Variants in TEAD1 observed in about 807,000 individuals in gnomAD.
TEAD1 encodes the protein transcriptional enhancer factor TEF-1.
A neutral mutation model predicts 54.9 loss-of-function variants in TEAD1; 9 were observed. The observed-to-expected ratio is 0.16, with a 90% CI of 0.10 to 0.29. The LOEUF (loss-of-function observed/expected upper bound fraction) is 0.29, where lower values mean the gene tolerates loss of function less well. Ranked by LOEUF, TEAD1 falls within the 10% of genes least tolerant of loss-of-function variation. The pLI is 1.00. For missense variants in TEAD1, 387 were observed against 535.9 expected, an observed-to-expected ratio of 0.72 and a Z score of 2.74; for synonymous variants, 200 against 187.8, an observed-to-expected ratio of 1.07 and a Z score of -0.53.
At chr11:12,879,361 T>G in intron 5 of TEAD1, 3 of 555,738 alleles carry the variant, frequency 5.4e-6, no homozygotes, top group South Asian at 4.2e-5. Flanking sequence ...GCCTTTATTT[T>G]TTTTTCTTCC....
At chr11:12,829,576 C>T (rs1590191935) in intron 3 of TEAD1, among the ~76,000 whole-genome samples, 2 of 152,314 alleles carry the variant, frequency 1.3e-5, no homozygotes, top group East Asian at 3.9e-4. Flanking sequence ...ATTGATAATG[C>T]TCATACTGAT....
At chr11:12,792,290 C>G (rs1331834185) in intron 3 of TEAD1, among the ~76,000 whole-genome samples, 2 of 143,658 alleles carry the variant, frequency 1.4e-5, no homozygotes, top group African/African-American at 5.2e-5. Flanking sequence ...CTCTCAAATG[C>G]TTGGGGGTGA....
intron 5 of TEAD1, among the ~76,000 whole-genome samples, chr11:12,877,094 A>G (rs916120810): frequency 1.3e-5 from 2 of 152,236 alleles, no homozygotes; most frequent in Non-Finnish European, 2.9e-5. Flanking sequence ...AGGTTAGAAC[A>G]TTTGACAGAT....
At chr11:12,807,839 C>T (rs1473420048) in intron 3 of TEAD1, among the ~76,000 whole-genome samples, 1 of 152,194 alleles carries the variant, frequency 6.6e-6, no homozygotes, top group Non-Finnish European at 1.5e-5. Context: ...TGGACAGGTA[C>T]TGAGAGTTGC....
chr11:12,940,016 G>A lies in TEAD1; in HGVS notation c.*2794G>A, dbSNP rs1949145412. 1 of 152,216 alleles carries A rather than the reference G, an allele frequency of 6.6e-6. No individual in the cohort carries two copies. Among genetic ancestry groups the A allele is most frequent in the African/African-American group, 2.4e-5 (1 of 41,430 alleles). 9.4% of individuals were successfully genotyped at this position (152,216 alleles called of 1,614,324 possible). On this transcript the variant is annotated 3_prime_UTR_variant, in exon 13 of 13. Coordinates refer to ENST00000527636, the MANE Select transcript of TEAD1 (RefSeq NM_021961.6). The stretch of plus-strand genomic sequence containing the variant: ...TCTTCCAGGTGCTCTATCCCCTCGA[G>A]ACCCTCTGGTGCCAGGCTTGCTTCA...
rs115492860 is a variant in TEAD1, at chr11:12,706,061, T to A, written c.-55+30500T>A. ...ACAAGGGCTGTTAGAGTATCAATGA[T>A]GAAATTGAAACTTAGTTTGAACTTG... On this transcript the variant is annotated intron_variant, in intron 2 of 12. Transcript: ENST00000527636. Among the ~76,000 whole-genome samples, 1,312 of 152,348 alleles carry A rather than the reference T, an allele frequency of 8.6e-3. 17 individuals are homozygous for A. Among genetic ancestry groups the A allele is most frequent in the African/African-American group, 0.029 (1,210 of 41,582 alleles).
chr11:12,932,935 C>CA (rs1348225463), intron 12 of TEAD1, among the ~76,000 whole-genome samples: 5 of 152,090 alleles, frequency 3.3e-5, no homozygotes, highest in Admixed American at 1.3e-4. Flanking sequence ...TGTTTAGATA[C>CA]AAAAAATACT....
chr11:12,844,532 A>G (rs1947101019), intron 3 of TEAD1, among the ~76,000 whole-genome samples: 2 of 152,154 alleles, frequency 1.3e-5, no homozygotes, highest in African/African-American at 4.8e-5. Flanking sequence ...ATTGGGGGGC[A>G]GGGGTGGGGA....
intron 10 of TEAD1, among the ~76,000 whole-genome samples, chr11:12,917,128 G>C (rs1467357041): frequency 6.6e-6 from 1 of 152,174 alleles, no homozygotes; most frequent in Non-Finnish European, 1.5e-5. Context: ...GATTATCTAA[G>C]TGGGCCTAGC....
At chr11:12,729,359 G>A (rs1944375447) in intron 2 of TEAD1, among the ~76,000 whole-genome samples, 1 of 152,200 alleles carries the variant, frequency 6.6e-6, no homozygotes, top group African/African-American at 2.4e-5. Context: ...TTCTCATTCA[G>A]TGGATCTGGG....
chr11:12,846,743 G>T (rs1390837788), intron 3 of TEAD1, among the ~76,000 whole-genome samples: 1 of 152,148 alleles, frequency 6.6e-6, no homozygotes, highest in Non-Finnish European at 1.5e-5. Flanking sequence ...TATGCTCTCT[G>T]TCAGTGGTGG....
chr11:12,902,339 G>T (rs1948439964), intron 10 of TEAD1, among the ~76,000 whole-genome samples: 1 of 152,244 alleles, frequency 6.6e-6, no homozygotes, highest in South Asian at 2.1e-4. Flanking sequence ...CTGCCAAAGG[G>T]CACAAGGGAC....
chr11:12,699,339 A>G (rs1369634023), intron 2 of TEAD1, among the ~76,000 whole-genome samples: 1 of 151,614 alleles, frequency 6.6e-6, no homozygotes, highest in Non-Finnish European at 1.5e-5. Context: ...TCATCGGTTT[A>G]TTTAATGAAT....
intron 2 of TEAD1, among the ~76,000 whole-genome samples, chr11:12,753,115 A>G (rs148324794): frequency 1.6e-4 from 24 of 152,142 alleles, no homozygotes; most frequent in Non-Finnish European, 2.9e-4. Context: ...AAGTGCTGGA[A>G]TTACAGATGT....
intron 5 of TEAD1, among the ~76,000 whole-genome samples, chr11:12,867,666 T>C (rs1320618504): frequency 4.6e-5 from 7 of 152,194 alleles, no homozygotes; most frequent in African/African-American, 1.4e-4. Flanking sequence ...TGGAATCTAA[T>C]AGCACATTTG....
intron 3 of TEAD1, chr11:12,849,555 C>G (rs1309032748): frequency 6.6e-6 from 1 of 152,182 alleles, no homozygotes; most frequent in Non-Finnish European, 1.5e-5. Flanking sequence ...CAAGTCATCC[C>G]TGAGCATGCC....
chr11:12,932,919 T>C (rs1335705638), intron 12 of TEAD1, among the ~76,000 whole-genome samples: 5 of 152,178 alleles, frequency 3.3e-5, no homozygotes, highest in Non-Finnish European at 5.9e-5. Flanking sequence ...ACTTTATGTG[T>C]AGATATGTTT....
intron 3 of TEAD1, among the ~76,000 whole-genome samples, chr11:12,774,128 G>T (rs994891803): frequency 2.0e-5 from 3 of 152,200 alleles, no homozygotes; most frequent in Admixed American, 6.5e-5. Flanking sequence ...AGGCTCTGGT[G>T]CATGTAGGAG....
chr11:12,782,307 A>C (rs77978472), intron 3 of TEAD1, among the ~76,000 whole-genome samples: 5,156 of 152,304 alleles, frequency 0.034, 288 homozygotes, highest in African/African-American at 0.12. Context: ...ATGTACCACA[A>C]TATGGATGAC....
Sources: gnomAD v4.1 joint callset for allele counts (sites outside exome capture counted in the v4.1 genomes callset) on GRCh38, gnomAD v4.1.1 for gene constraint, MANE v1.5 for transcripts, NCBI Gene and HGNC (gene_info 2026-07-23, HGNC 2026-07-21) for gene names.